FBXL4: variants seen among roughly 807,000 people sequenced by gnomAD.
The protein encoded by FBXL4 is F-box and leucine rich repeat protein 4.
FBXL4 carries 40 observed loss-of-function variants against 58.9 expected under a neutral mutation model. That is an observed-to-expected ratio of 0.68 (90% CI 0.53 to 0.88). The LOEUF is 0.88. Among genes scored for constraint, FBXL4 ranks in the 40% least tolerant of loss-of-function variants. The pLI is 0.00. For synonymous variants in FBXL4, 263 were observed against 265.5 expected (o/e 0.99, Z 0.09); for missense variants, 676 against 734.4 (o/e 0.92, Z 0.92).
intron 4 of FBXL4, among the ~76,000 whole-genome samples, chr6:98,922,175 C>G (rs1772610105): frequency 6.6e-6 from 1 of 152,180 alleles, no homozygotes; most frequent in Admixed American, 6.5e-5. Context: ...ATCCGCCCCC[C>G]TCGGCCTCCC....
chr6:98,912,987 C>T (rs1330958068), intron 5 of FBXL4, among the ~76,000 whole-genome samples: 3 of 151,580 alleles, frequency 2.0e-5, no homozygotes, highest in Non-Finnish European at 2.9e-5. Context: ...GGAAGATCTA[C>T]CAAGCAAATG....
chr6:98,905,223 A>G (rs1771752870), intron 6 of FBXL4, among the ~76,000 whole-genome samples: 1 of 152,246 alleles, frequency 6.6e-6, no homozygotes, highest in Non-Finnish European at 1.5e-5. Context: ...TCATATTCAT[A>G]TAAAATTTAG....
intron 4 of FBXL4, among the ~76,000 whole-genome samples, chr6:98,917,960 GT>G (rs1392640467): frequency 6.6e-6 from 1 of 152,082 alleles, no homozygotes; most frequent in African/African-American, 2.4e-5. Context: ...ACATTGATCA[GT>G]TTAAAAACTG....
chr6:98,880,097 G>C (rs987692169), intron 8 of FBXL4, among the ~76,000 whole-genome samples: 1 of 151,880 alleles, frequency 6.6e-6, no homozygotes, highest in Non-Finnish European at 1.5e-5. Context: ...TGACCAGTAA[G>C]GACAGTAAAA....
At chr6:98,910,892 A>G (rs1774575194) in intron 5 of FBXL4, among the ~76,000 whole-genome samples, 1 of 152,194 alleles carries the variant, frequency 6.6e-6, no homozygotes, top group Admixed American at 6.5e-5. Context: ...TCACTTGGGA[A>G]GCACAAGGGA....
At chr6:98,923,047 G>A (rs1772642637) in intron 4 of FBXL4, among the ~76,000 whole-genome samples, 1 of 152,100 alleles carries the variant, frequency 6.6e-6, no homozygotes, top group African/African-American at 2.4e-5. Flanking sequence ...CTTCTTCACA[G>A]AACTACCTTG....
At chr6:98,915,030 C>T (rs1345012827) in intron 5 of FBXL4, among the ~76,000 whole-genome samples, 1 of 152,004 alleles carries the variant, frequency 6.6e-6, no homozygotes, top group Admixed American at 6.6e-5. Flanking sequence ...CAATAACAGA[C>T]AAACAGAGAG....
chr6:98,937,848 C>T (rs937466905), intron 1 of FBXL4, among the ~76,000 whole-genome samples: 2 of 152,124 alleles, frequency 1.3e-5, no homozygotes, highest in Non-Finnish European at 2.9e-5. Flanking sequence ...AACTTTCTGC[C>T]AAATTGTCTA....
intron 5 of FBXL4, 152 bp from the exon 6 acceptor site, chr6:98,905,822 TAAAA>T (rs1771789940): frequency 3.6e-6 from 3 of 824,220 alleles, no homozygotes; most frequent in South Asian, 3.8e-5. Context: ...ATTATCCAAA[TAAAA>T]GAAATCATAC....
intron 5 of FBXL4, among the ~76,000 whole-genome samples, chr6:98,916,507 G>A (rs1772353732): frequency 1.3e-5 from 2 of 152,006 alleles, no homozygotes; most frequent in Admixed American, 6.6e-5. Context: ...ATGAGTTCAT[G>A]TCCTTTGTAG....
rs1177152454 is a variant in FBXL4, at chr6:98,868,757, ATAAC to A, written c.*5517_*5520del. ...TTTAAATGTTTTCCTTAAAATTTTT[ATAAC>A]TAATACTTCACTAATTACTTTACCA... On this transcript the variant is annotated 3_prime_UTR_variant, in exon 10 of 10. Transcript: ENST00000369244. 2 of 152,240 alleles carry A rather than the reference ATAAC, an allele frequency of 1.3e-5. No homozygotes were observed. The highest frequency in any genetic ancestry group is 4.8e-5 in the African/African-American group (2 of 41,466). The allele number at this position is 152,240 out of a possible 1,614,324, so 9.4% of individuals were successfully genotyped here.
At chr6:98,874,833 T>C (rs1042382142) in intron 9 of FBXL4, among the ~76,000 whole-genome samples, 6 of 152,180 alleles carry the variant, frequency 3.9e-5, no homozygotes, top group East Asian at 3.9e-4. Context: ...GTGTGGACAA[T>C]GATAACTACT....
At position 98,881,846 on chromosome 6, in the gene FBXL4, G is replaced by T. The variant is rs148947389; in HGVS notation, c.1318-1222C>A. 7.2e-3 allele frequency among the ~76,000 whole-genome samples: 1,090 copies of T among 151,624 alleles called. 11 individuals carry two copies. Among genetic ancestry groups the T allele is most frequent in the Middle Eastern group, 0.056 (16 of 284 alleles). ...TCTCAGAATGTTAACATTAGAAAGG[G>T]TATATTAAGATAATTTAATTTTCAG... On this transcript the variant is annotated intron_variant, in intron 7 of 9. Coordinates refer to ENST00000369244, the MANE Select transcript of FBXL4 (RefSeq NM_001278716.2).
At chr6:98,878,344 T>C (rs1770726889) in intron 8 of FBXL4, among the ~76,000 whole-genome samples, 1 of 152,026 alleles carries the variant, frequency 6.6e-6, no homozygotes, top group African/African-American at 2.4e-5. Context: ...AGGTAAACAG[T>C]TTCTTTGTTG....
intron 1 of FBXL4, among the ~76,000 whole-genome samples, chr6:98,947,198 T>C (rs1310924336): frequency 6.6e-6 from 1 of 152,252 alleles, no homozygotes; most frequent in Non-Finnish European, 1.5e-5. Flanking sequence ...CAATGATTAC[T>C]GGGAAATCAA....
chr6:98,918,116 G>A (rs1250707077), intron 4 of FBXL4, among the ~76,000 whole-genome samples: 1 of 152,114 alleles, frequency 6.6e-6, no homozygotes, highest in Non-Finnish European at 1.5e-5. Flanking sequence ...CTTCACAAAG[G>A]TCTCCTGCTT....
intron 4 of FBXL4, among the ~76,000 whole-genome samples, chr6:98,925,694 T>C (rs1373305704): frequency 6.6e-6 from 1 of 152,230 alleles, no homozygotes; most frequent in Admixed American, 6.5e-5. Context: ...ATCCAACATA[T>C]ACTACTGTGT....
chr6:98,895,931 C>A (rs1443750196), intron 7 of FBXL4, among the ~76,000 whole-genome samples: 1 of 152,044 alleles, frequency 6.6e-6, no homozygotes, highest in Non-Finnish European at 1.5e-5. Flanking sequence ...TGCTATAATA[C>A]AATCCATATT....
chr6:98,918,601 CAT>C (rs1353706936), intron 4 of FBXL4, among the ~76,000 whole-genome samples: 59 of 152,158 alleles, frequency 3.9e-4, no homozygotes, highest in African/African-American at 1.4e-3. Flanking sequence ...TTAATATACT[CAT>C]ATGTCAGTTA....
Sources: allele counts gnomAD v4.1 joint callset (sites outside exome capture counted in the v4.1 genomes callset), GRCh38; gene constraint gnomAD v4.1.1; transcripts MANE v1.5; gene names NCBI Gene and HGNC (gene_info 2026-07-23, HGNC 2026-07-21).